The following ZDHHC14 variants were observed in gnomAD, a reference collection of about 807,000 sequenced individuals.
ZDHHC14 encodes palmitoyltransferase ZDHHC14.
In ZDHHC14, 16 loss-of-function variants were observed where a neutral mutation model predicts 47.7. The observed-to-expected ratio is 0.34, with a 90% CI of 0.23 to 0.51. The LOEUF (loss-of-function observed/expected upper bound fraction) is 0.51. ZDHHC14 is among the 20% of genes least tolerant of loss of function. ZDHHC14 has a pLI of 0.97. For synonymous variants in ZDHHC14, 293 were observed against 278.9 expected (o/e 1.05, Z -0.50); for missense variants, 515 against 662.5 (o/e 0.78, Z 2.44).
At chr6:157,424,051 A>T (rs987286983) in intron 1 of ZDHHC14, among the ~76,000 whole-genome samples, 1 of 152,238 alleles carries the variant, frequency 6.6e-6, no homozygotes, top group African/African-American at 2.4e-5. Flanking sequence ...GTTTTAACAG[A>T]TGCGTGCTTT....
At chr6:157,490,391 C>T (rs1406118790) in intron 1 of ZDHHC14, among the ~76,000 whole-genome samples, 1 of 152,196 alleles carries the variant, frequency 6.6e-6, no homozygotes, top group Non-Finnish European at 1.5e-5. Flanking sequence ...TGCACACACT[C>T]CTCAAGCCAC....
intron 1 of ZDHHC14, among the ~76,000 whole-genome samples, chr6:157,533,891 A>G (rs184900088): frequency 2.0e-5 from 3 of 152,382 alleles, no homozygotes; most frequent in East Asian, 3.9e-4. Context: ...CAATAATGAT[A>G]TATGATTTTT....
rs976349237 is a variant in ZDHHC14, at chr6:157,422,067, G to A, written c.245+39801G>A. Among the ~76,000 whole-genome samples the A allele has an allele frequency of 4.6e-5, 7 of 152,172 alleles. No individual in the cohort carries two copies. In the South Asian group the frequency reaches 8.3e-4, roughly 18 times the overall value. On this transcript the variant is annotated intron_variant, in intron 1 of 8. Coordinates refer to ENST00000359775, the MANE Select transcript of ZDHHC14 (RefSeq NM_024630.3). ...AGAAACTGATGAGGTGAGGAAACTC[G>A]AACCCACGTACCTGGGTCTCAGTTG... is the stretch of plus-strand genomic sequence containing the variant.
intron 1 of ZDHHC14, among the ~76,000 whole-genome samples, 199 bp from the exon 2 acceptor site, chr6:157,542,386 G>A (rs547724308): frequency 6.6e-6 from 1 of 152,254 alleles, no homozygotes; most frequent in East Asian, 1.9e-4. Context: ...GGGAGTGGGG[G>A]TTCAATTGTC....
intron 1 of ZDHHC14, among the ~76,000 whole-genome samples, chr6:157,413,500 A>G (rs1777911266): frequency 6.6e-6 from 1 of 152,118 alleles, no homozygotes. Context: ...ATAGTTTTAA[A>G]ATTACCTGAA....
chr6:157,383,674 C>T (rs1583599078), intron 1 of ZDHHC14, among the ~76,000 whole-genome samples: 1 of 152,326 alleles, frequency 6.6e-6, no homozygotes, highest in Admixed American at 6.5e-5. Context: ...CTTCCCCAGT[C>T]CTTCTCACAC....
intron 3 of ZDHHC14, among the ~76,000 whole-genome samples, chr6:157,618,948 T>C (rs922216745): frequency 6.6e-6 from 1 of 152,198 alleles, no homozygotes; most frequent in African/African-American, 2.4e-5. Flanking sequence ...TTTCACCTTC[T>C]TCCTCACTCG....
chr6:157,443,030 C>T (rs539781861), intron 1 of ZDHHC14, among the ~76,000 whole-genome samples: 33 of 152,302 alleles, frequency 2.2e-4, no homozygotes, highest in African/African-American at 7.5e-4. Context: ...ACCCAAACCT[C>T]AGATTGAATT....
intron 3 of ZDHHC14, among the ~76,000 whole-genome samples, chr6:157,619,806 T>TG (rs778275523): frequency 6.6e-6 from 1 of 152,152 alleles, no homozygotes; most frequent in Non-Finnish European, 1.5e-5. Context: ...TTCATGCAGA[T>TG]ACTAATAAAA....
intron 5 of ZDHHC14, among the ~76,000 whole-genome samples, chr6:157,637,043 G>A (rs1375476703): frequency 5.3e-5 from 8 of 152,312 alleles, no homozygotes; most frequent in African/African-American, 7.2e-5. Context: ...TTTGTGTTCC[G>A]GAAGAGTAAG....
intron 2 of ZDHHC14, among the ~76,000 whole-genome samples, chr6:157,556,843 G>A (rs761894745): frequency 2.6e-5 from 4 of 152,190 alleles, no homozygotes; most frequent in Non-Finnish European, 5.9e-5. Context: ...GGTTCCAGGC[G>A]AGCTGAAGAG....
rs113547005 is a variant in ZDHHC14, at chr6:157,606,648, AG to A, written c.565+13505del. ...GCCGGGTGGGTGATCAGTTGCTGTG[AG>A]GGCAGTCAGAGCAGGCTCATGGCCC... On this transcript the variant is annotated intron_variant, in intron 3 of 8. Coordinates refer to ENST00000359775, the MANE Select transcript of ZDHHC14 (RefSeq NM_024630.3). Among the ~76,000 whole-genome samples, 12 of 152,226 alleles carry A rather than the reference AG, an allele frequency of 7.9e-5. 1 individual carries two copies. Among genetic ancestry groups the A allele is most frequent in the African/African-American group, 2.9e-4 (12 of 41,542 alleles).
intron 1 of ZDHHC14, among the ~76,000 whole-genome samples, chr6:157,435,430 G>C (rs1778419372): frequency 6.6e-6 from 1 of 152,244 alleles, no homozygotes; most frequent in Non-Finnish European, 1.5e-5. Flanking sequence ...TTGAGGAAAG[G>C]CTAGGACATA....
At chr6:157,546,243 G>A (rs1781968880) in intron 2 of ZDHHC14, among the ~76,000 whole-genome samples, 1 of 152,210 alleles carries the variant, frequency 6.6e-6, no homozygotes, top group South Asian at 2.1e-4. Context: ...GGAAGATAAG[G>A]TTGTTTCAAT....
intron 5 of ZDHHC14, among the ~76,000 whole-genome samples, chr6:157,642,725 G>T (rs1316119285): frequency 1.3e-5 from 2 of 152,234 alleles, no homozygotes; most frequent in Non-Finnish European, 2.9e-5. Context: ...TCTAAAAAAA[G>T]ACGGTAAATG....
chr6:157,542,103 G>A (rs1051647246), intron 1 of ZDHHC14, among the ~76,000 whole-genome samples: 10 of 152,168 alleles, frequency 6.6e-5, no homozygotes, highest in Admixed American at 1.3e-4. Flanking sequence ...AGTCCTCAGC[G>A]TTTGGTGCTG....
chr6:157,654,584 T>G (rs1319230417), intron 8 of ZDHHC14, among the ~76,000 whole-genome samples: 1 of 151,828 alleles, frequency 6.6e-6, no homozygotes, highest in Non-Finnish European at 1.5e-5. Flanking sequence ...AGGGTGGAAG[T>G]TGGCAGCCTC....
intron 7 of ZDHHC14, among the ~76,000 whole-genome samples, chr6:157,649,400 A>G (rs1777713983): frequency 1.3e-5 from 2 of 152,216 alleles, no homozygotes; most frequent in African/African-American, 2.4e-5. Context: ...TAGGCCACTC[A>G]TAGGCTTCCG....
At chr6:157,490,971 G>A (rs748499885) in intron 1 of ZDHHC14, among the ~76,000 whole-genome samples, 23 of 152,088 alleles carry the variant, frequency 1.5e-4, no homozygotes, top group Non-Finnish European at 2.2e-4. Context: ...GAGTGGGGGC[G>A]CAGAGGAGAG....
Sources: gnomAD v4.1 joint callset for allele counts (sites outside exome capture counted in the v4.1 genomes callset) on GRCh38, gnomAD v4.1.1 for gene constraint, MANE v1.5 for transcripts, NCBI Gene and HGNC (gene_info 2026-07-23, HGNC 2026-07-21) for gene names.